TMEM232: variants seen among roughly 807,000 people sequenced by gnomAD.
TMEM232 encodes the protein transmembrane protein 232.
TMEM232 carries 80 observed loss-of-function variants against 78.8 expected under a neutral mutation model. The observed-to-expected ratio is 1.01, with a 90% CI of 0.85 to 1.22. The LOEUF is 1.22. TMEM232 is among the 50% of genes most tolerant of loss of function. TMEM232 has a pLI of 0.00. For synonymous variants in TMEM232, 297 were observed against 254.3 expected, an observed-to-expected ratio of 1.17 and a Z score of -1.60; for missense variants, 881 against 742.2, an observed-to-expected ratio of 1.19 and a Z score of -2.17.
chr5:110,454,091 A>G (rs1038334575), intron 12 of TMEM232, among the ~76,000 whole-genome samples: 2 of 152,236 alleles, frequency 1.3e-5, no homozygotes, highest in African/African-American at 4.8e-5. Context: ...TCTCTTGGCA[A>G]TTAATATAAC....
At chr5:110,671,193 A>T in intron 1 of TMEM232, among the ~76,000 whole-genome samples, 1 of 152,214 alleles carries the variant, frequency 6.6e-6, no homozygotes, top group Admixed American at 6.5e-5. Context: ...CCAAAGCCAC[A>T]ATGAGATACA....
Position 110,625,278 on chromosome 5 carries a change from C to T in TMEM232, c.757G>A (p.Asp253Asn). 6.5e-7 allele frequency: 1 copy of T among 1,536,630 alleles called. No homozygotes were observed. The highest frequency in any genetic ancestry group is 8.8e-7 in the Non-Finnish European group (1 of 1,140,230). Residue 253 changes from aspartate to asparagine, a missense_variant, in exon 7 of 14, where the codon GAT (aspartate) becomes AAT (asparagine). By Grantham distance (23) the Asp-to-Asn change is conservative (BLOSUM62 1). Transcript: ENST00000455884. ...ACCAGATTACTCACCATATCAGAAT[C>T]TGTGTTCTCATATCTTTTCTTATCT... Reference protein sequence around the residue: ...VEDKKRYENTDSDMGGYEINH... With the variant: ...VEDKKRYENTNSDMGGYEINH...
chr5:110,480,882 C>A (rs1367631292), intron 12 of TMEM232, among the ~76,000 whole-genome samples: 2 of 152,114 alleles, frequency 1.3e-5, no homozygotes, highest in East Asian at 3.9e-4. Flanking sequence ...TCAGTAGTAA[C>A]AAATAATAAA....
At chr5:110,554,919 C>T (rs1774896999) in intron 11 of TMEM232, among the ~76,000 whole-genome samples, 1 of 152,000 alleles carries the variant, frequency 6.6e-6, no homozygotes, top group African/African-American at 2.4e-5. Context: ...TTATCTATTC[C>T]TTCTAGGTTT....
At chr5:110,477,736 C>A (rs1437558739) in intron 12 of TMEM232, among the ~76,000 whole-genome samples, 1 of 151,812 alleles carries the variant, frequency 6.6e-6, no homozygotes. Context: ...CCATTGTCAA[C>A]TTACTACATC....
At chr5:110,422,304 A>C (rs1756729392) in intron 13 of TMEM232, among the ~76,000 whole-genome samples, 1 of 151,884 alleles carries the variant, frequency 6.6e-6, no homozygotes, top group Admixed American at 6.6e-5. Context: ...TCACGAGGTC[A>C]GGAGATGGAG....
At chr5:110,449,706 T>C (rs1026407891) in intron 12 of TMEM232, among the ~76,000 whole-genome samples, 1 of 152,146 alleles carries the variant, frequency 6.6e-6, no homozygotes, top group Non-Finnish European at 1.5e-5. Context: ...ATTAAATTAA[T>C]AACTATGGAG....
chr5:110,598,527 C>T (rs1780473678), intron 10 of TMEM232, among the ~76,000 whole-genome samples: 1 of 152,030 alleles, frequency 6.6e-6, no homozygotes, highest in African/African-American at 2.4e-5. Flanking sequence ...ACCCAAAGGA[C>T]TATAAATCAT....
At chr5:110,605,626 C>T (rs1309366661) in intron 9 of TMEM232, among the ~76,000 whole-genome samples, 1 of 152,036 alleles carries the variant, frequency 6.6e-6, no homozygotes. Flanking sequence ...ATACTATTTT[C>T]CATATCATAT....
At chr5:110,525,626 A>G (rs1268290359) in intron 12 of TMEM232, among the ~76,000 whole-genome samples, 1 of 151,874 alleles carries the variant, frequency 6.6e-6, no homozygotes, top group African/African-American at 2.4e-5. Context: ...TCTAAAGTTA[A>G]TTTTTTTAAG....
At chr5:110,571,229 C>A (rs1331548018) in intron 10 of TMEM232, among the ~76,000 whole-genome samples, 1 of 151,976 alleles carries the variant, frequency 6.6e-6, no homozygotes, top group Non-Finnish European at 1.5e-5. Flanking sequence ...CTCAGATATT[C>A]CTAGCATATA....
intron 13 of TMEM232, among the ~76,000 whole-genome samples, chr5:110,422,519 C>CAAAAAAAAAA (rs34448955): frequency 2.9e-5 from 1 of 34,570 alleles, no homozygotes; most frequent in African/African-American, 8.9e-5. Flanking sequence ...GACTCTGTCT[C>CAAAAAAAAAA]AAAAAAAAAA....
intron 10 of TMEM232, among the ~76,000 whole-genome samples, chr5:110,596,414 C>T (rs1939136397): frequency 6.6e-6 from 1 of 152,172 alleles, no homozygotes; most frequent in Non-Finnish European, 1.5e-5. Context: ...GATGGATTCA[C>T]AGCCGAATTC....
chr5:110,543,061 T>C (rs558018151), intron 11 of TMEM232, among the ~76,000 whole-genome samples: 1 of 152,292 alleles, frequency 6.6e-6, no homozygotes, highest in South Asian at 2.1e-4. Context: ...ATTTCATTCC[T>C]TCCTTGTTTT....
chr5:110,471,278 A>G (rs1334789043), intron 12 of TMEM232, among the ~76,000 whole-genome samples: 2 of 152,176 alleles, frequency 1.3e-5, no homozygotes, highest in East Asian at 1.9e-4. Flanking sequence ...AAATGAACAA[A>G]CATTTGTATT....
At chr5:110,388,816 G>A (rs75081573) in intron 4 of TMEM232, among the ~76,000 whole-genome samples, 5,468 of 152,256 alleles carry the variant, frequency 0.036, 143 homozygotes, top group African/African-American at 0.069. Context: ...AATCGGGGTG[G>A]GGGCAGGCAG....
rs1561623893 is a variant in TMEM232 at position 110,524,403 on chromosome 5, GAAAGAAAGAAAGAAAAGAAAAGAAAAGA to G, written c.1703+4157_1703+4184del. ...AGAAAGAAAGAAAGAAAGAAAGAAA[GAAAGAAAGAAAGAAAAGAAAAGAAAAGA>G]AAAGAAAAGAAAGGAAAGAAAGAAA... is the stretch of plus-strand genomic sequence containing the variant. On this transcript the variant is annotated intron_variant, in intron 12 of 13. Coordinates refer to ENST00000455884, the MANE Select transcript of TMEM232 (RefSeq NM_001039763.4). Among the ~76,000 whole-genome samples the G allele has an allele frequency of 7.2e-3, 555 of 76,640 alleles. 3 individuals are homozygous for G. The highest frequency in any genetic ancestry group is 0.016 in the African/African-American group (329 of 19,986). 50.3% of individuals were successfully genotyped at this position (76,640 alleles called of 152,430 possible). A position where few individuals can be genotyped will look rare whatever the true frequency, so the allele number is the denominator to read the frequency against.
intron 1 of TMEM232, among the ~76,000 whole-genome samples, chr5:110,680,478 T>C (rs1230917820): frequency 6.8e-6 from 1 of 147,436 alleles, no homozygotes. Context: ...GACATAAACA[T>C]GAAAAGTATA....
intron 12 of TMEM232, among the ~76,000 whole-genome samples, chr5:110,504,209 C>T (rs1413295815): frequency 6.6e-6 from 1 of 152,044 alleles, no homozygotes; most frequent in Admixed American, 6.6e-5. Flanking sequence ...TTTCACAATC[C>T]TCTATTAAAA....
Sources: gnomAD v4.1 joint callset for allele counts (sites outside exome capture counted in the v4.1 genomes callset) on GRCh38, gnomAD v4.1.1 for gene constraint, MANE v1.5 for transcripts, NCBI Gene and HGNC (gene_info 2026-07-23, HGNC 2026-07-21) for gene names.